POC1A: variants seen among roughly 807,000 people sequenced by gnomAD.
POC1A encodes POC1 centriolar protein homolog A.
POC1A carries 34 observed loss-of-function variants against 47.8 expected under a neutral mutation model. The observed-to-expected ratio is 0.71, with a 90% CI of 0.54 to 0.95. The LOEUF (loss-of-function observed/expected upper bound fraction) is 0.95, where lower values mean the gene tolerates loss of function less well. Among genes scored for constraint, POC1A ranks in the 40% least tolerant of loss-of-function variants. POC1A has a pLI of 0.00. For missense variants in POC1A, 466 were observed against 528.3 expected (o/e 0.88, Z 1.16); for synonymous variants, 177 against 207.6 (o/e 0.85, Z 1.27).
intron 1 of POC1A, among the ~76,000 whole-genome samples, chr3:52,151,705 A>G (rs868845426): frequency 6.6e-6 from 1 of 152,212 alleles, no homozygotes; most frequent in East Asian, 1.9e-4. Flanking sequence ...ATGAAAGAAG[A>G]CTTAAAAAAT....
At chr3:52,114,920 T>A (rs2107059107) in intron 9 of POC1A, among the ~76,000 whole-genome samples, 1 of 152,320 alleles carries the variant, frequency 6.6e-6, no homozygotes, top group Non-Finnish European at 1.5e-5. Context: ...AAAAGGACTG[T>A]GGGCAATGCC....
intron 9 of POC1A, among the ~76,000 whole-genome samples, chr3:52,100,358 CA>C (rs1380396340): frequency 6.6e-6 from 1 of 152,236 alleles, no homozygotes; most frequent in Non-Finnish European, 1.5e-5. Context: ...CATCAAGATA[CA>C]AGTATGGATA....
In POC1A at chr3:52,126,401, G is replaced by A. The variant is rs191722708; in HGVS notation, c.814-1220C>T. Among the ~76,000 whole-genome samples the A allele has an allele frequency of 2.1e-3, 314 of 152,302 alleles. 2 individuals are homozygous for A. The highest frequency in any genetic ancestry group is 7.1e-3 in the African/African-American group (293 of 41,560). Reference sequence around the variant, plus strand: ...CAGCCTCAGACACACTGGACAGCAGGGAGTATGCCCACCCATGCTTCCAGA... The same window carrying A: ...CAGCCTCAGACACACTGGACAGCAGAGAGTATGCCCACCCATGCTTCCAGA... On this transcript the variant is annotated intron_variant, in intron 7 of 10. Transcript: ENST00000296484.
At chr3:52,138,965 C>G (rs1427099465) in intron 6 of POC1A, among the ~76,000 whole-genome samples, 1 of 152,202 alleles carries the variant, frequency 6.6e-6, no homozygotes, top group African/African-American at 2.4e-5. Flanking sequence ...TCCTGAGTAG[C>G]TGAGACTACA....
chr3:52,133,757 C>A (rs4687808), intron 7 of POC1A, among the ~76,000 whole-genome samples: 1 of 152,130 alleles, frequency 6.6e-6, no homozygotes, highest in Admixed American at 6.5e-5. Flanking sequence ...AAACCTCCCC[C>A]ACGGTTTCCC....
intron 9 of POC1A, among the ~76,000 whole-genome samples, chr3:52,117,951 G>T (rs941846472): frequency 7.9e-5 from 12 of 152,234 alleles, no homozygotes; most frequent in Non-Finnish European, 1.6e-4. Context: ...AGATACAGGG[G>T]TCTTTATGCC....
intron 10 of POC1A, among the ~76,000 whole-genome samples, chr3:52,089,192 G>A (rs1023344610): frequency 6.6e-6 from 1 of 151,946 alleles, no homozygotes; most frequent in Non-Finnish European, 1.5e-5. Flanking sequence ...CACTGGCCCT[G>A]ACCTGCGACT....
At chr3:52,122,076 T>C (rs1559833460) in intron 9 of POC1A, among the ~76,000 whole-genome samples, 1 of 152,094 alleles carries the variant, frequency 6.6e-6, no homozygotes, top group Non-Finnish European at 1.5e-5. Context: ...GGGTCCCTTG[T>C]CTCCTAAGGC....
chr3:52,075,907 T>G lies in POC1A; in HGVS notation c.1204A>C (p.Met402Leu), dbSNP rs141874249. 47 of 1,613,656 alleles carry G rather than the reference T, an allele frequency of 2.9e-5. No individual in the cohort carries two copies. Among genetic ancestry groups the G allele is most frequent in the East Asian group, 4.5e-5 (2 of 44,896 alleles). Residue 402 changes from methionine (M) to leucine (L), a missense_variant, in exon 11 of 11, where the codon ATG becomes CTG. Physicochemically the swap from Met to Leu is conservative, Grantham distance 15 (BLOSUM62 2). Coordinates refer to ENST00000296484, the MANE Select transcript of POC1A (RefSeq NM_015426.5). ...KQCLENQQLI[M>L]QRATP is the part of the protein sequence containing the mutation. ...CCTGATCATGGTGTTGCTCTCTGCATGATTAGCTGCTGGTTCTCCAGACAC... is the reference window on the plus strand; with the variant it reads ...CCTGATCATGGTGTTGCTCTCTGCAGGATTAGCTGCTGGTTCTCCAGACAC...
intron 8 of POC1A, among the ~76,000 whole-genome samples, chr3:52,123,399 T>C (rs1703869110): frequency 6.6e-6 from 1 of 151,808 alleles, no homozygotes; most frequent in Non-Finnish European, 1.5e-5. Flanking sequence ...AACTGGGGAG[T>C]GTGTGGCCAG....
rs529579050 is a variant in POC1A, at chr3:52,146,530, C to A, written c.563+458G>T. 2.3e-4 allele frequency among the ~76,000 whole-genome samples: 35 copies of A among 152,342 alleles called. No homozygotes were observed. The East Asian group carries it at 6.5e-3, about 29-fold the overall frequency. On this transcript the variant is annotated intron_variant, in intron 5 of 10. Coordinates refer to ENST00000296484, the MANE Select transcript of POC1A (RefSeq NM_015426.5). ...TACTCAAATGTAGGCACCTCTCTCT[C>A]CTGATGATGTGGCACAATATGAACA...
chr3:52,154,303 G>C (rs940309000), intron 1 of POC1A, 52 bp downstream of exon 1: 2 of 1,535,722 alleles, frequency 1.3e-6, no homozygotes, highest in South Asian at 2.4e-5. Flanking sequence ...TAGGCGCCCA[G>C]TGTCCCAGCG....
At chr3:52,118,654 T>C (rs1166059331) in intron 9 of POC1A, among the ~76,000 whole-genome samples, 1 of 152,206 alleles carries the variant, frequency 6.6e-6, no homozygotes, top group Non-Finnish European at 1.5e-5. Flanking sequence ...TCTGCCCCTC[T>C]GGCTTTCGAC....
chr3:52,131,884 G>A (rs1262271545), intron 7 of POC1A, among the ~76,000 whole-genome samples: 1 of 152,118 alleles, frequency 6.6e-6, no homozygotes, highest in African/African-American at 2.4e-5. Context: ...AGAGGCCACA[G>A]CCCCATGCCA....
intron 6 of POC1A, among the ~76,000 whole-genome samples, chr3:52,140,982 T>G (rs1005097911): frequency 6.6e-6 from 1 of 152,232 alleles, no homozygotes; most frequent in Non-Finnish European, 1.5e-5. Flanking sequence ...GGCCTCTTCT[T>G]GGCTCCATGG....
At position 52,079,126 on chromosome 3, in the gene POC1A, A is replaced by G. The variant is rs377619749; in HGVS notation, c.1126-3141T>C. ...CCCTGGCACAGACTGGTTTGGAGCC[A>G]TATCACGTGGCCTTGTTCAGAATGT... On this transcript the variant is annotated intron_variant, in intron 10 of 10. Transcript: ENST00000296484. This position sits in a 1 kb window ranked among gnomAD's most constrained non-coding sequence, Gnocchi z 4.6. 1.3e-5 allele frequency among the ~76,000 whole-genome samples: 2 copies of G among 152,232 alleles called. No homozygotes were observed. The highest frequency in any genetic ancestry group is 4.8e-5 in the African/African-American group (2 of 41,466).
At chr3:52,124,325 G>T (rs1034325241) in intron 8 of POC1A, among the ~76,000 whole-genome samples, 8 of 152,202 alleles carry the variant, frequency 5.3e-5, no homozygotes, top group African/African-American at 1.9e-4. Context: ...CCAGTGCCAG[G>T]GTCTGGACTA....
chr3:52,151,484 G>A (rs759718159), intron 1 of POC1A, among the ~76,000 whole-genome samples: 2 of 151,858 alleles, frequency 1.3e-5, no homozygotes, highest in African/African-American at 4.8e-5. Flanking sequence ...GGTGGCAGGC[G>A]CCTATAATCC....
At position 52,096,671 on chromosome 3, in the gene POC1A, ACTC is replaced by A. The variant is rs753470421; in HGVS notation, c.1020_1022del (p.Arg340del). On this transcript the variant is annotated inframe_deletion, in exon 10 of 11. Coordinates refer to ENST00000296484, the MANE Select transcript of POC1A (RefSeq NM_015426.5). ...GGGGCTGGCTCTGCACAGACTCCAC[ACTC>A]CTGCCTCTGCCTGGGGGGACAGGGA... is the stretch of plus-strand genomic sequence containing the variant. The A allele has an allele frequency of 6.2e-7, 1 of 1,607,360 alleles. No individual in the cohort carries two copies. The highest frequency in any genetic ancestry group is 8.5e-7 in the Non-Finnish European group (1 of 1,177,494).
Sources: allele counts gnomAD v4.1 joint callset (sites outside exome capture counted in the v4.1 genomes callset), GRCh38; gene constraint gnomAD v4.1.1; non-coding constraint Gnocchi (gnomAD v3.1); transcripts MANE v1.5; gene names NCBI Gene and HGNC (gene_info 2026-07-23, HGNC 2026-07-21).